Variants in ACOT7 observed in about 807,000 individuals in gnomAD.
ACOT7 encodes acyl-CoA thioesterase 7.
Under a neutral mutation model 40.2 loss-of-function variants are expected in ACOT7, and 12 were observed. The observed-to-expected ratio is 0.30, with a 90% CI of 0.19 to 0.48. The LOEUF is 0.48. Ranked by LOEUF, ACOT7 falls within the 20% of genes least tolerant of loss-of-function variation. The pLI is 0.99. For synonymous variants in ACOT7, 228 were observed against 219.5 expected (o/e 1.04, Z -0.34); for missense variants, 395 against 530.8 (o/e 0.74, Z 2.51).
chr1:6,300,634 C>T (rs558575714), intron 6 of ACOT7, among the ~76,000 whole-genome samples: 1 of 148,568 alleles, frequency 6.7e-6, no homozygotes, highest in South Asian at 2.2e-4. Flanking sequence ...GACGCGTGGC[C>T]GGCCTCTCTC....
chr1:6,347,252 G>A (rs1182379792), intron 2 of ACOT7, among the ~76,000 whole-genome samples: 1 of 152,142 alleles, frequency 6.6e-6, no homozygotes, highest in Non-Finnish European at 1.5e-5. Context: ...CACCATCCTG[G>A]GGACCAGCCT....
At chr1:6,270,932 G>A (rs139868368) in intron 8 of ACOT7, among the ~76,000 whole-genome samples, 117 of 152,292 alleles carry the variant, frequency 7.7e-4, no homozygotes, top group African/African-American at 2.6e-3. Flanking sequence ...ACATGGGGAC[G>A]CAGGGGTGGG....
chr1:6,382,444 A>T lies in ACOT7; in HGVS notation c.143+10813T>A, dbSNP rs563284440. ...AACAAAAAAACTGAGCTGGACATTT[A>T]AAAATGATTAAAATGAGCCTGGGAA... On this transcript the variant is annotated intron_variant, in intron 1 of 8. Transcript: ENST00000361521. 1.9e-3 allele frequency among the ~76,000 whole-genome samples: 293 copies of T among 151,960 alleles called. 4 individuals carry two copies. Among genetic ancestry groups the T allele is most frequent in the Middle Eastern group, 3.4e-3 (1 of 292 alleles).
chr1:6,346,676 A>G (rs2148452255), intron 2 of ACOT7, among the ~76,000 whole-genome samples: 1 of 152,350 alleles, frequency 6.6e-6, no homozygotes, highest in East Asian at 1.9e-4. Context: ...CTACTGCTGG[A>G]GAACAAACCA....
intron 1 of ACOT7, among the ~76,000 whole-genome samples, chr1:6,364,014 G>T (rs1641947705): frequency 1.3e-5 from 2 of 152,184 alleles, no homozygotes; most frequent in South Asian, 4.1e-4. Flanking sequence ...CAAGGCTGCA[G>T]TGGGCCAAGA....
intron 5 of ACOT7, among the ~76,000 whole-genome samples, chr1:6,323,456 G>A (rs935874444): frequency 1.7e-4 from 26 of 152,096 alleles, no homozygotes; most frequent in African/African-American, 5.3e-4. Flanking sequence ...GGTGGCTCAC[G>A]CCTGTAATCC....
rs76569367 is a variant in ACOT7, at chr1:6,313,911, C to T, written c.712+4581G>A. On this transcript the variant is annotated intron_variant, in intron 6 of 8. Transcript: ENST00000361521. ...TTAATATATTGCCTTTCTTGGGGAGCCACTGGAGGACATGTTCCACCAAAA... is the reference window on the plus strand; with the variant it reads ...TTAATATATTGCCTTTCTTGGGGAGTCACTGGAGGACATGTTCCACCAAAA... Among the ~76,000 whole-genome samples the T allele has an allele frequency of 7.2e-3, 1,098 of 152,246 alleles. 16 individuals carry two copies. Among genetic ancestry groups the T allele is most frequent in the African/African-American group, 0.025 (1,049 of 41,544 alleles).
chr1:6,277,022 G>C (rs1003218149), intron 8 of ACOT7, among the ~76,000 whole-genome samples: 5 of 151,992 alleles, frequency 3.3e-5, no homozygotes, highest in African/African-American at 1.2e-4. Flanking sequence ...TCTGGAAGGG[G>C]CGGCCCCAGG....
At chr1:6,375,078 C>T (rs981353914) in intron 1 of ACOT7, among the ~76,000 whole-genome samples, 1 of 147,628 alleles carries the variant, frequency 6.8e-6, no homozygotes, top group Non-Finnish European at 1.5e-5. Context: ...GAGATAGAGA[C>T]CATCCTGGCT....
chr1:6,326,876 G>A (rs1640811831), intron 5 of ACOT7, among the ~76,000 whole-genome samples: 1 of 150,002 alleles, frequency 6.7e-6, no homozygotes, highest in South Asian at 2.1e-4. Flanking sequence ...AGGCTGCAGT[G>A]AGCCAAGATT....
Position 6,385,281 on chromosome 1 carries a change from C to A in ACOT7, c.143+7976G>T, listed in dbSNP as rs147690983. ...CCTCCTCCAACAAAGCCCGGGTGTTCCGCTCGTCCCTAGGGGAAGAACATG... is the reference window on the plus strand; with the variant it reads ...CCTCCTCCAACAAAGCCCGGGTGTTACGCTCGTCCCTAGGGGAAGAACATG... On this transcript the variant is annotated intron_variant, in intron 1 of 8. Coordinates refer to ENST00000361521, the MANE Select transcript of ACOT7 (RefSeq NM_007274.4). Among the ~76,000 whole-genome samples the A allele has an allele frequency of 3.4e-3, 513 of 151,920 alleles. 5 individuals are homozygous for A. Among genetic ancestry groups the A allele is most frequent in the African/African-American group, 0.012 (485 of 41,532 alleles).
intron 7 of ACOT7, among the ~76,000 whole-genome samples, chr1:6,283,094 C>T (rs904000953): frequency 6.6e-6 from 1 of 152,044 alleles, no homozygotes; most frequent in Non-Finnish European, 1.5e-5. Context: ...CACCCATGAG[C>T]GTGGTGCCTG....
intron 1 of ACOT7, among the ~76,000 whole-genome samples, chr1:6,364,311 G>A (rs1278889166): frequency 6.6e-6 from 1 of 151,926 alleles, no homozygotes; most frequent in East Asian, 1.9e-4. Context: ...GGAGGCCAAG[G>A]CAGGTGGATC....
intron 2 of ACOT7, among the ~76,000 whole-genome samples, chr1:6,341,567 C>T (rs897454763): frequency 6.6e-6 from 1 of 152,058 alleles, no homozygotes; most frequent in African/African-American, 2.4e-5. Context: ...ATGGTGAAAC[C>T]CCGTCTCTAC....
At chr1:6,331,950 G>C (rs889530474) in intron 4 of ACOT7, among the ~76,000 whole-genome samples, 6 of 152,182 alleles carry the variant, frequency 3.9e-5, no homozygotes, top group African/African-American at 1.4e-4. Context: ...GGCAGTGGCA[G>C]CAGGGACCGA....
At chr1:6,335,757 C>T (rs1357403268) in intron 3 of ACOT7, among the ~76,000 whole-genome samples, 1 of 152,262 alleles carries the variant, frequency 6.6e-6, no homozygotes, top group Non-Finnish European at 1.5e-5. Context: ...TGCCCCTCCT[C>T]CCCGCACAGA....
rs1641810183 is a variant in ACOT7 at position 6,358,484 on chromosome 1, A to T, written c.144-8618T>A. Among the ~76,000 whole-genome samples the T allele has an allele frequency of 1.3e-5, 2 of 152,204 alleles. No individual in the cohort carries two copies. The highest frequency in any genetic ancestry group is 4.8e-5 in the African/African-American group (2 of 41,458). On this transcript the variant is annotated intron_variant, in intron 1 of 8. Coordinates refer to ENST00000361521, the MANE Select transcript of ACOT7 (RefSeq NM_007274.4). The surrounding 1 kb of genome is among the most constrained non-coding windows in gnomAD (Gnocchi z 4.1). Reference sequence around the variant, plus strand: ...ACCGCAGTGAACCCAGCCCAGCTGAAGGGAGCAGAGGGAAGCCACAGGAGC... The same window carrying T: ...ACCGCAGTGAACCCAGCCCAGCTGATGGGAGCAGAGGGAAGCCACAGGAGC...
intron 8 of ACOT7, among the ~76,000 whole-genome samples, chr1:6,266,169 T>A (rs1380876116): frequency 6.6e-6 from 1 of 152,218 alleles, no homozygotes; most frequent in Admixed American, 6.5e-5. Flanking sequence ...TACGGTTTGA[T>A]CTCTGGCTGA....
intron 5 of ACOT7, among the ~76,000 whole-genome samples, chr1:6,321,649 T>C (rs61268563): frequency 0.098 from 14,871 of 152,160 alleles, 1,865 homozygotes; most frequent in African/African-American, 0.29. Flanking sequence ...TGAGTAGCTG[T>C]GACTACAGGC....
Sources: allele counts gnomAD v4.1 joint callset (sites outside exome capture counted in the v4.1 genomes callset), GRCh38; gene constraint gnomAD v4.1.1; non-coding constraint Gnocchi (gnomAD v3.1); transcripts MANE v1.5; gene names NCBI Gene and HGNC (gene_info 2026-07-23, HGNC 2026-07-21).